Variants in TWIST2 observed in about 807,000 individuals in gnomAD.
TWIST2 encodes twist-related protein 2.
Under a neutral mutation model 11.6 loss-of-function variants are expected in TWIST2, and 1 was observed. The ratio of observed to expected loss-of-function variants is 0.09; its 90% CI spans 0.03 to 0.41. The LOEUF is 0.41. Among genes scored for constraint, TWIST2 ranks in the 10% least tolerant of loss-of-function variants. The pLI, the probability that TWIST2 is intolerant of heterozygous loss-of-function variation, is 0.98. For missense variants in TWIST2, 168 were observed against 226.4 expected, an observed-to-expected ratio of 0.74 and a Z score of 1.66; for synonymous variants, 87 against 96.6, an observed-to-expected ratio of 0.90 and a Z score of 0.58.
chr2:238,897,493 G>A (rs1486608607), intron 1 of TWIST2, among the ~76,000 whole-genome samples: 4 of 152,268 alleles, frequency 2.6e-5, no homozygotes, highest in Admixed American at 2.6e-4. Flanking sequence ...GACATGCCAG[G>A]CCCCACCAAC....
At chr2:238,892,586 T>C (rs1693157779) in intron 1 of TWIST2, among the ~76,000 whole-genome samples, 1 of 152,220 alleles carries the variant, frequency 6.6e-6, no homozygotes, top group South Asian at 2.1e-4. Flanking sequence ...ATTCAAGCAA[T>C]TCTCCTGCCT....
At chr2:238,896,963 G>A (rs1477649326) in intron 1 of TWIST2, among the ~76,000 whole-genome samples, 2 of 152,162 alleles carry the variant, frequency 1.3e-5, no homozygotes, top group Non-Finnish European at 2.9e-5. Context: ...GGGGAGGGAG[G>A]CGCCTGAGTG....
At chr2:238,861,378 C>T (rs1277516402) in intron 1 of TWIST2, among the ~76,000 whole-genome samples, 1 of 152,178 alleles carries the variant, frequency 6.6e-6, no homozygotes, top group East Asian at 1.9e-4. Context: ...GAGGCTCTAC[C>T]ATGTCCAGCC....
intron 1 of TWIST2, among the ~76,000 whole-genome samples, chr2:238,898,148 G>T (rs1281915178): frequency 6.6e-6 from 1 of 152,234 alleles, no homozygotes; most frequent in African/African-American, 2.4e-5. Flanking sequence ...GGTGCTGGGG[G>T]TGGGGCCAGC....
chr2:238,900,259 G>A (rs1693253843), intron 1 of TWIST2, among the ~76,000 whole-genome samples: 1 of 152,192 alleles, frequency 6.6e-6, no homozygotes, highest in Admixed American at 6.5e-5. Context: ...CGACTGCCTG[G>A]TGACAGTCTG....
intron 1 of TWIST2, among the ~76,000 whole-genome samples, chr2:238,870,805 GCACA>G: frequency 5.6e-5 from 1 of 17,830 alleles, no homozygotes; most frequent in African/African-American, 2.7e-4. Flanking sequence ...CACACCCCAT[GCACA>G]CACCACACAC....
intron 1 of TWIST2, among the ~76,000 whole-genome samples, chr2:238,854,376 T>C (rs1008750754): frequency 6.6e-6 from 1 of 152,200 alleles, no homozygotes; most frequent in African/African-American, 2.4e-5. Flanking sequence ...GCAGGTCTGG[T>C]GTGCGACTGA....
At chr2:238,879,094 A>C (rs572666796) in intron 1 of TWIST2, among the ~76,000 whole-genome samples, 1 of 152,312 alleles carries the variant, frequency 6.6e-6, no homozygotes, top group Non-Finnish European at 1.5e-5. Context: ...AAGCTGACTG[A>C]GGTTGTCTCG....
chr2:238,872,529 G>A (rs1355373134), intron 1 of TWIST2, among the ~76,000 whole-genome samples: 1 of 152,240 alleles, frequency 6.6e-6, no homozygotes, highest in Non-Finnish European at 1.5e-5. Context: ...ACGCTGTGCA[G>A]GGAAGGGCGA....
chr2:238,862,291 C>A (rs534027001), intron 1 of TWIST2, among the ~76,000 whole-genome samples: 3 of 152,154 alleles, frequency 2.0e-5, no homozygotes, highest in East Asian at 3.9e-4. Flanking sequence ...CTATGACAAT[C>A]AAAAATTTTA....
chr2:238,865,985 C>T (rs1692523787), intron 1 of TWIST2, among the ~76,000 whole-genome samples: 1 of 152,224 alleles, frequency 6.6e-6, no homozygotes, highest in South Asian at 2.1e-4. Flanking sequence ...TCTTCAGGCC[C>T]TTCTTTGTGT....
chr2:238,908,332 C>A (rs1693391211), intron 1 of TWIST2, among the ~76,000 whole-genome samples: 1 of 115,038 alleles, frequency 8.7e-6, no homozygotes, highest in African/African-American at 3.4e-5. Flanking sequence ...CACACACATA[C>A]CACACACACA....
chr2:238,868,758 T>G (rs1274332480), intron 1 of TWIST2, among the ~76,000 whole-genome samples: 1 of 152,178 alleles, frequency 6.6e-6, no homozygotes, highest in Non-Finnish European at 1.5e-5. Flanking sequence ...CTCAGTGTGG[T>G]GCCAGTGTGG....
In TWIST2 at chr2:238,893,540, A is replaced by G. The variant is rs923952383; in HGVS notation, c.*36-16302A>G. Among the ~76,000 whole-genome samples the G allele has an allele frequency of 7.9e-5, 12 of 152,256 alleles. No individual in the cohort carries two copies. In the South Asian group the frequency reaches 2.5e-3, roughly 32 times the overall value. On this transcript the variant is annotated intron_variant, in intron 1 of 1. Transcript: ENST00000612363. ...AACAGGCCCCGGAGCCTGGACACCT[A>G]GGCTTAATTCCCAGGGCTTTGTTCC...
intron 1 of TWIST2, among the ~76,000 whole-genome samples, chr2:238,861,528 AGGCGCCC>A (rs1332196220): frequency 6.6e-6 from 1 of 152,034 alleles, no homozygotes; most frequent in East Asian, 1.9e-4. Context: ...CGGCACCCTT[AGGCGCCC>A]GGTGGGGGTA....
intron 1 of TWIST2, among the ~76,000 whole-genome samples, chr2:238,887,918 A>G (rs143009135): frequency 7.1e-4 from 108 of 152,346 alleles, no homozygotes; most frequent in African/African-American, 2.5e-3. Flanking sequence ...TGCCTGACAC[A>G]GCACTGACAT....
At chr2:238,894,122 A>G (rs1693179948) in intron 1 of TWIST2, among the ~76,000 whole-genome samples, 1 of 151,630 alleles carries the variant, frequency 6.6e-6, no homozygotes, top group Admixed American at 6.6e-5. Context: ...AAGCATCTCA[A>G]CCTCTGTGCC....
intron 1 of TWIST2, among the ~76,000 whole-genome samples, chr2:238,876,936 A>C (rs1003689906): frequency 6.6e-5 from 10 of 152,176 alleles, no homozygotes; most frequent in African/African-American, 2.4e-4. Context: ...AATCTCAATA[A>C]GCTATCATAA....
intron 1 of TWIST2, among the ~76,000 whole-genome samples, chr2:238,891,302 G>C (rs905254190): frequency 6.6e-6 from 1 of 152,244 alleles, no homozygotes; most frequent in African/African-American, 2.4e-5. Context: ...CAGCAGAGCT[G>C]TGCTTGTGAA....
Sources: gnomAD v4.1 joint callset for allele counts (sites outside exome capture counted in the v4.1 genomes callset) on GRCh38, gnomAD v4.1.1 for gene constraint, MANE v1.5 for transcripts, NCBI Gene and HGNC (gene_info 2026-07-23, HGNC 2026-07-21) for gene names.